PCCA: variants seen among roughly 807,000 people sequenced by gnomAD.
PCCA encodes propionyl-CoA carboxylase alpha chain, mitochondrial.
A neutral mutation model predicts 101.3 loss-of-function variants in PCCA; 74 were observed. The observed-to-expected ratio is 0.73, with a 90% CI of 0.61 to 0.89. The LOEUF (loss-of-function observed/expected upper bound fraction) is 0.89, where lower values mean the gene tolerates loss of function less well. PCCA is among the 40% of genes least tolerant of loss of function. The probability of loss-of-function intolerance (pLI) is 0.00; values close to 1 mark genes in which losing one functional copy is unlikely to be tolerated. For missense variants in PCCA, 891 were observed against 907.0 expected (o/e 0.98, Z 0.23); for synonymous variants, 294 against 313.6 (o/e 0.94, Z 0.66).
At chr13:100,254,920 A>G (rs1375836407) in intron 8 of PCCA, among the ~76,000 whole-genome samples, 2 of 151,152 alleles carry the variant, frequency 1.3e-5, no homozygotes, top group African/African-American at 4.8e-5. Context: ...CCATCTTTAA[A>G]AAAAAAAAAA....
intron 21 of PCCA, among the ~76,000 whole-genome samples, chr13:100,489,649 A>G (rs2084736200): frequency 6.6e-6 from 1 of 152,266 alleles, no homozygotes; most frequent in Admixed American, 6.5e-5. Context: ...ACTGAAAGTG[A>G]CGGAATGGCC....
rs951086849 is a variant in PCCA, at chr13:100,246,742, A to G, written c.638-10853A>G. On this transcript the variant is annotated intron_variant, in intron 8 of 23. Transcript: ENST00000376285. Reference sequence around the variant, plus strand: ...TGTTTTTCATTTAAAAATCTTTCAGATTTGATGAAAATTGCTTTATGGCTA... The same window carrying G: ...TGTTTTTCATTTAAAAATCTTTCAGGTTTGATGAAAATTGCTTTATGGCTA... 4.5e-4 allele frequency among the ~76,000 whole-genome samples: 68 copies of G among 152,160 alleles called. 1 individual carries two copies. Among genetic ancestry groups the G allele is most frequent in the Non-Finnish European group, 1.6e-4 (11 of 68,006 alleles).
intron 1 of PCCA, among the ~76,000 whole-genome samples, chr13:100,090,486 G>C (rs1230338175): frequency 6.6e-6 from 1 of 152,102 alleles, no homozygotes; most frequent in South Asian, 2.1e-4. Flanking sequence ...TTTGTATATT[G>C]GACAGGTCTC....
chr13:100,418,877 A>G (rs538257626), intron 19 of PCCA, among the ~76,000 whole-genome samples: 20 of 151,748 alleles, frequency 1.3e-4, no homozygotes, highest in Non-Finnish European at 2.2e-4. Flanking sequence ...ACAGCAGACA[A>G]TGGCACTCTG....
chr13:100,507,586 C>T (rs1018558615), intron 21 of PCCA, among the ~76,000 whole-genome samples: 3 of 152,196 alleles, frequency 2.0e-5, no homozygotes, highest in African/African-American at 7.2e-5. Flanking sequence ...AAGGTAACCT[C>T]AGTGCAACAC....
intron 6 of PCCA, among the ~76,000 whole-genome samples, chr13:100,207,950 G>A (rs564147549): frequency 3.9e-5 from 6 of 151,978 alleles, no homozygotes; most frequent in African/African-American, 1.4e-4. Context: ...CCCGGGAGAC[G>A]GAGGTTGCAG....
intron 17 of PCCA, among the ~76,000 whole-genome samples, chr13:100,336,508 A>G (rs1227431633): frequency 1.3e-5 from 2 of 152,158 alleles, no homozygotes. Flanking sequence ...TGGCTTAATG[A>G]ACAAGGAGAG....
At chr13:100,505,959 G>A (rs1346283084) in intron 21 of PCCA, among the ~76,000 whole-genome samples, 2 of 151,322 alleles carry the variant, frequency 1.3e-5, no homozygotes, top group African/African-American at 2.4e-5. Flanking sequence ...AGTTACTCTC[G>A]AGCACTTGCT....
At chr13:100,143,931 ATT>A (rs765528415) in intron 4 of PCCA, among the ~76,000 whole-genome samples, 85 of 143,492 alleles carry the variant, frequency 5.9e-4, no homozygotes, top group African/African-American at 2.1e-3. Context: ...ATTAAGAGAA[ATT>A]TTTTTTTTTT....
chr13:100,378,643 T>G (rs1048964319), intron 19 of PCCA, among the ~76,000 whole-genome samples: 5 of 152,192 alleles, frequency 3.3e-5, no homozygotes, highest in East Asian at 1.9e-4. Flanking sequence ...AAAAATTTTT[T>G]TGTGTGACTG....
intron 20 of PCCA, among the ~76,000 whole-genome samples, chr13:100,437,760 C>G (rs1335977642): frequency 6.6e-6 from 1 of 152,106 alleles, no homozygotes; most frequent in Non-Finnish European, 1.5e-5. Flanking sequence ...CCTCCGCCTC[C>G]CAGACTCAAG....
intron 22 of PCCA, among the ~76,000 whole-genome samples, chr13:100,518,390 C>T (rs887999883): frequency 3.9e-5 from 6 of 152,096 alleles, no homozygotes; most frequent in Admixed American, 1.3e-4. Context: ...GTAGTGAATC[C>T]GCTCGGGGCG....
At chr13:100,474,316 G>T (rs1287342824) in intron 21 of PCCA, among the ~76,000 whole-genome samples, 1 of 152,102 alleles carries the variant, frequency 6.6e-6, no homozygotes, top group Non-Finnish European at 1.5e-5. Context: ...AGTTATTTTT[G>T]ATGGTATAGT....
intron 19 of PCCA, among the ~76,000 whole-genome samples, chr13:100,417,627 C>T (rs2078462921): frequency 6.6e-6 from 1 of 152,032 alleles, no homozygotes; most frequent in South Asian, 2.1e-4. Flanking sequence ...AGAGAATTTG[C>T]GGTATTTGAG....
chr13:100,443,507 A>G (rs1304392776), intron 20 of PCCA, among the ~76,000 whole-genome samples: 1 of 152,014 alleles, frequency 6.6e-6, no homozygotes, highest in East Asian at 1.9e-4. Context: ...TGTCACATTC[A>G]GATCTTATTG....
intron 20 of PCCA, among the ~76,000 whole-genome samples, chr13:100,436,047 T>TAA (rs58957697): frequency 4.2e-4 from 58 of 137,098 alleles, no homozygotes; most frequent in East Asian, 6.0e-4. Flanking sequence ...CTGTCTCAAA[T>TAA]AAAAAAAAAA....
intron 18 of PCCA, among the ~76,000 whole-genome samples, chr13:100,342,148 T>TA (rs917789453): frequency 5.9e-5 from 9 of 152,012 alleles, no homozygotes; most frequent in Non-Finnish European, 2.9e-5. Context: ...TCAATGACTG[T>TA]AAAAAATCTA....
At chr13:100,171,812 C>CCAAGGTGG (rs2055685240) in intron 6 of PCCA, among the ~76,000 whole-genome samples, 2 of 152,064 alleles carry the variant, frequency 1.3e-5, no homozygotes, top group African/African-American at 4.8e-5. Context: ...GTGGACAGAT[C>CCAAGGTGG]ACGAGGTCAG....
chr13:100,232,668 A>G (rs1029079061), intron 7 of PCCA, among the ~76,000 whole-genome samples: 1 of 152,178 alleles, frequency 6.6e-6, no homozygotes, highest in Non-Finnish European at 1.5e-5. Flanking sequence ...GGTGTGAGCC[A>G]CTGTGCTTGG....
Sources: allele counts gnomAD v4.1 joint callset (sites outside exome capture counted in the v4.1 genomes callset), GRCh38; gene constraint gnomAD v4.1.1; transcripts MANE v1.5; gene names NCBI Gene and HGNC (gene_info 2026-07-23, HGNC 2026-07-21).